REDIC1: variants seen among roughly 807,000 people sequenced by gnomAD.
REDIC1 encodes the protein regulator of DNA class I crossover intermediates 1.
the REDIC1 span, among the ~76,000 whole-genome samples, chr12:39,856,775 T>C: frequency 6.6e-6 from 1 of 152,234 alleles, no homozygotes; most frequent in East Asian, 1.9e-4. Context: ...TTTTACAACA[T>C]GATGGGAAAT....
At chr12:39,698,004 A>G in the REDIC1 span, among the ~76,000 whole-genome samples, 5 of 152,344 alleles carry the variant, frequency 3.3e-5, no homozygotes, top group Middle Eastern at 6.8e-3. Flanking sequence ...TCTGTTGCCT[A>G]TAAGAAACAC....
At chr12:39,778,844 T>C in the REDIC1 span, among the ~76,000 whole-genome samples, 1 of 152,118 alleles carries the variant, frequency 6.6e-6, no homozygotes, top group Non-Finnish European at 1.5e-5. Context: ...GCAACATCTA[T>C]AGGGGTATAG....
chr12:39,792,170 A>T, the REDIC1 span, among the ~76,000 whole-genome samples: 2 of 83,584 alleles, frequency 2.4e-5, no homozygotes, highest in Non-Finnish European at 4.9e-5. Context: ...CTGGCTAGCC[A>T]TATGTAGAAA....
the REDIC1 span, among the ~76,000 whole-genome samples, chr12:39,740,550 T>G: frequency 6.6e-6 from 1 of 152,190 alleles, no homozygotes; most frequent in South Asian, 2.1e-4. Flanking sequence ...AAGGTATAAG[T>G]GATACATTAA....
chr12:39,848,320 CA>C, the REDIC1 span, among the ~76,000 whole-genome samples: 1 of 151,872 alleles, frequency 6.6e-6, no homozygotes, highest in Non-Finnish European at 1.5e-5. Context: ...AGGAACTTAG[CA>C]AATTTACAAA....
At chr12:39,852,150 A>G in the REDIC1 span, among the ~76,000 whole-genome samples, 8 of 152,204 alleles carry the variant, frequency 5.3e-5, no homozygotes, top group African/African-American at 1.9e-4. Flanking sequence ...GGTTTGTATA[A>G]AATAACTAGC....
At chr12:39,803,888 C>T in the REDIC1 span, among the ~76,000 whole-genome samples, 146 of 152,060 alleles carry the variant, frequency 9.6e-4, 1 homozygote, top group African/African-American at 3.1e-3. Context: ...GGAAGGACAA[C>T]GATCCCTTCC....
the REDIC1 span, among the ~76,000 whole-genome samples, chr12:39,797,803 C>T: frequency 0.025 from 3,844 of 151,302 alleles, 160 homozygotes; most frequent in African/African-American, 0.088. Context: ...GAAAACCGGT[C>T]GTAATTCAAC....
chr12:39,803,222 A>C, the REDIC1 span, among the ~76,000 whole-genome samples: 1 of 151,500 alleles, frequency 6.6e-6, no homozygotes, highest in Non-Finnish European at 1.5e-5. Flanking sequence ...AAAAAAAAAA[A>C]CTTTCTAGAA....
the REDIC1 span, among the ~76,000 whole-genome samples, chr12:39,792,643 A>G: frequency 6.6e-6 from 1 of 152,040 alleles, no homozygotes; most frequent in Non-Finnish European, 1.5e-5. Context: ...ACCAAAACCC[A>G]CACATACTCA....
chr12:39,846,642 G>A, the REDIC1 span, among the ~76,000 whole-genome samples: 1 of 152,020 alleles, frequency 6.6e-6, no homozygotes, highest in African/African-American at 2.4e-5. Flanking sequence ...TGGAGAAATG[G>A]GATTTTGCCA....
the REDIC1 span, among the ~76,000 whole-genome samples, chr12:39,669,502 G>T: frequency 1.3e-5 from 2 of 152,184 alleles, no homozygotes; most frequent in Non-Finnish European, 2.9e-5. Context: ...CGGGCGTCAG[G>T]GACCCACTTG....
chr12:39,754,615 A>C, the REDIC1 span, among the ~76,000 whole-genome samples: 2 of 152,018 alleles, frequency 1.3e-5, no homozygotes, highest in African/African-American at 2.4e-5. Flanking sequence ...GGCAAGGGAG[A>C]GCAACGGAGT....
chr12:39,769,921 G>A, the REDIC1 span, among the ~76,000 whole-genome samples: 1 of 151,994 alleles, frequency 6.6e-6, no homozygotes, highest in Non-Finnish European at 1.5e-5. Flanking sequence ...TCAAACAAAA[G>A]TCATCAATTA....
At chr12:39,756,892 C>T in the REDIC1 span, 1 of 151,500 alleles carries the variant, frequency 6.6e-6, no homozygotes, top group African/African-American at 2.4e-5. Context: ...TCGGTATTCT[C>T]ATAGCATTTT....
the REDIC1 span, among the ~76,000 whole-genome samples, chr12:39,871,323 T>C: frequency 0.72 from 109,895 of 152,022 alleles, 40,405 homozygotes; most frequent in African/African-American, 0.86. Context: ...ACAAAAGAGT[T>C]TGTCCCTGCT....
the REDIC1 span, among the ~76,000 whole-genome samples, chr12:39,892,841 CA>C: frequency 2.6e-5 from 4 of 151,824 alleles, no homozygotes; most frequent in African/African-American, 9.7e-5. Context: ...GAAAAACAAC[CA>C]AAGTCATATT....
chr12:39,876,644 G>A, the REDIC1 span, among the ~76,000 whole-genome samples: 1 of 152,256 alleles, frequency 6.6e-6, no homozygotes, highest in East Asian at 1.9e-4. Context: ...GACACTATGA[G>A]TTAGCTCTAA....
the REDIC1 span, chr12:39,758,044 A>G: frequency 6.6e-6 from 1 of 151,726 alleles, no homozygotes; most frequent in Non-Finnish European, 1.5e-5. Context: ...TTCTTATGAG[A>G]TAAGAAATAT....
Sources: gnomAD v4.1 joint callset for allele counts (sites outside exome capture counted in the v4.1 genomes callset) on GRCh38, gnomAD v4.1.1 for gene constraint, MANE v1.5 for transcripts, NCBI Gene and HGNC (gene_info 2026-07-23, HGNC 2026-07-21) for gene names.